Variants in NBAS observed in about 807,000 individuals in gnomAD.
NBAS encodes NAG/BC035112 fusion.
Under a neutral mutation model 302.5 loss-of-function variants are expected in NBAS, and 219 were observed. That is an observed-to-expected ratio of 0.72 (90% CI 0.65 to 0.81). The LOEUF is 0.81. NBAS is among the 30% of genes least tolerant of loss of function. The pLI is 0.00. For synonymous variants in NBAS, 1,118 were observed against 1,021.6 expected (o/e 1.09, Z -1.80); for missense variants, 2,932 against 2,841.6 (o/e 1.03, Z -0.72).
At chr2:15,559,389 T>C (rs1664804776) in intron 1 of NBAS, among the ~76,000 whole-genome samples, 1 of 152,190 alleles carries the variant, frequency 6.6e-6, no homozygotes, top group Non-Finnish European at 1.5e-5. Flanking sequence ...CACAGATACG[T>C]AATTGCTATA....
the NBAS span, among the ~76,000 whole-genome samples, chr2:14,983,607 A>C: frequency 1.3e-5 from 2 of 152,202 alleles, no homozygotes; most frequent in Non-Finnish European, 2.9e-5. Flanking sequence ...AAATACAATC[A>C]ATGAAGAAAA....
At chr2:15,095,722 C>T in the NBAS span, among the ~76,000 whole-genome samples, 1 of 152,222 alleles carries the variant, frequency 6.6e-6, no homozygotes, top group Non-Finnish European at 1.5e-5. Context: ...CTTACTCCCA[C>T]ATTAAACATG....
At chr2:15,127,493 T>C in the NBAS span, among the ~76,000 whole-genome samples, 1 of 152,142 alleles carries the variant, frequency 6.6e-6, no homozygotes, top group African/African-American at 2.4e-5. Context: ...ATCCAAGAAG[T>C]TGTGATTTGA....
chr2:15,332,448 A>G (rs1172518500), intron 35 of NBAS, among the ~76,000 whole-genome samples: 1 of 152,186 alleles, frequency 6.6e-6, no homozygotes, highest in African/African-American at 2.4e-5. Context: ...AAGGGAAAAC[A>G]TATGTAAGCT....
chr2:14,956,158 A>C, the NBAS span, among the ~76,000 whole-genome samples: 1 of 152,202 alleles, frequency 6.6e-6, no homozygotes, highest in African/African-American at 2.4e-5. Context: ...TTGCAAAAGA[A>C]AAGCAAGAGT....
the NBAS span, among the ~76,000 whole-genome samples, chr2:15,059,319 G>A: frequency 6.6e-6 from 1 of 152,150 alleles, no homozygotes; most frequent in Non-Finnish European, 1.5e-5. Context: ...TACAGTAAAT[G>A]TTCCTTGTTG....
intron 39 of NBAS, 28 bp from the exon 40 acceptor site, chr2:15,308,381 C>A: frequency 6.2e-7 from 1 of 1,611,774 alleles, no homozygotes; most frequent in Non-Finnish European, 8.5e-7. Flanking sequence ...AGAATTAACT[C>A]AGCTGAAAGG....
chr2:14,969,336 G>T, the NBAS span, among the ~76,000 whole-genome samples: 2 of 152,074 alleles, frequency 1.3e-5, no homozygotes, highest in Admixed American at 6.6e-5. Flanking sequence ...ACCTTACCTA[G>T]GTGAGCTGTA....
Position 15,532,371 on chromosome 2 carries a change from C to T in NBAS, c.746+2172G>A, listed in dbSNP as rs542926160. Among the ~76,000 whole-genome samples, 18 of 151,808 alleles carry T rather than the reference C, an allele frequency of 1.2e-4. No individual in the cohort carries two copies. The South Asian group carries it at 3.6e-3, about 30-fold the overall frequency. ...GGGCTTGGTGGCAGGCGCCTATAGT[C>T]CCAGCTACTCGGGAGGCTGAGGCAG... On this transcript the variant is annotated intron_variant, in intron 9 of 51. Transcript: ENST00000281513.
chr2:15,033,114 C>T, the NBAS span, among the ~76,000 whole-genome samples: 4 of 152,218 alleles, frequency 2.6e-5, no homozygotes, highest in Admixed American at 6.5e-5. Flanking sequence ...GAAAGTGGAA[C>T]GGCCACTCCA....
intron 27 of NBAS, 94 bp downstream of exon 27, chr2:15,396,318 AG>A: frequency 1.0e-6 from 1 of 996,238 alleles, no homozygotes; most frequent in Non-Finnish European, 1.5e-6. Context: ...AGGTTAAAGT[AG>A]AAACGATGAC....
At chr2:15,216,544 G>C (rs1666661179) in intron 48 of NBAS, among the ~76,000 whole-genome samples, 1 of 152,234 alleles carries the variant, frequency 6.6e-6, no homozygotes, top group African/African-American at 2.4e-5. Context: ...GTTGCCTTAA[G>C]TTCTGCTTTT....
Position 15,467,734 on chromosome 2 carries a change from G to A in NBAS, c.1948C>T (p.Pro650Ser), listed in dbSNP as rs558233705. 1,170 of 1,607,312 alleles carry A rather than the reference G, an allele frequency of 7.3e-4. 16 individuals carry two copies. In the South Asian group the frequency reaches 0.012, roughly 17 times the overall value. ...TCCTTTTCCTTTTTATTCTTGGCAG[G>A]CTCTTCATCAGGTGGTGAAAGCTCT... Reference protein sequence around the residue: ...YEELSPPDEEPAKNKKEKELK... With the variant: ...YEELSPPDEESAKNKKEKELK... The change falls in exon 18 of 52, where the codon CCT becomes TCT. Residue 650 changes from proline (P) to serine (S), a missense_variant. Coordinates refer to ENST00000281513, the MANE Select transcript of NBAS (RefSeq NM_015909.4).
chr2:14,872,216 A>G, the NBAS span, among the ~76,000 whole-genome samples: 1 of 152,172 alleles, frequency 6.6e-6, no homozygotes, highest in Non-Finnish European at 1.5e-5. Flanking sequence ...ATGTATAACA[A>G]TAGAACTTTA....
At chr2:15,327,924 CAT>C (rs1672149973) in intron 37 of NBAS, 54 bp from the exon 38 acceptor site, 3 of 1,606,216 alleles carry the variant, frequency 1.9e-6, no homozygotes, top group Admixed American at 1.7e-5. Context: ...GTCCTACAAA[CAT>C]ATGCTTAGAA....
At chr2:15,133,585 A>G in the NBAS span, among the ~76,000 whole-genome samples, 2 of 152,182 alleles carry the variant, frequency 1.3e-5, no homozygotes, top group Non-Finnish European at 2.9e-5. Flanking sequence ...TGACCTACCA[A>G]TGAAGGTGGT....
At chr2:15,232,319 T>C in intron 47 of NBAS, 103 bp downstream of exon 47, 1 of 1,067,596 alleles carries the variant, frequency 9.4e-7, no homozygotes, top group Non-Finnish European at 1.4e-6. Flanking sequence ...CACCTAAAAA[T>C]GTGGCTTAGT....
chr2:15,194,958 A>G (rs1038063541), intron 48 of NBAS, among the ~76,000 whole-genome samples: 1 of 152,176 alleles, frequency 6.6e-6, no homozygotes, highest in South Asian at 2.1e-4. Context: ...AATTCAAAGA[A>G]ATCACACACA....
At chr2:14,802,774 T>C in the NBAS span, among the ~76,000 whole-genome samples, 1 of 144,650 alleles carries the variant, frequency 6.9e-6, no homozygotes, top group Non-Finnish European at 1.5e-5. Context: ...TCATTCTCAG[T>C]AAACTATCGC....
Sources: allele counts gnomAD v4.1 joint callset (sites outside exome capture counted in the v4.1 genomes callset), GRCh38; gene constraint gnomAD v4.1.1; transcripts MANE v1.5; gene names NCBI Gene and HGNC (gene_info 2026-07-23, HGNC 2026-07-21).